The following STAU2 variants were observed in gnomAD, a reference collection of about 807,000 sequenced individuals.
The protein encoded by STAU2 is staufen double-stranded RNA binding protein 2.
In STAU2, 20 loss-of-function variants were observed where a neutral mutation model predicts 65.9. The observed-to-expected ratio is 0.30, with a 90% CI of 0.21 to 0.44. STAU2 has a LOEUF of 0.44. Ranked by LOEUF, STAU2 falls within the 20% of genes least tolerant of loss-of-function variation. The pLI is 1.00. For missense variants in STAU2, 558 were observed against 683.9 expected (o/e 0.82, Z 2.05); for synonymous variants, 232 against 233.9 (o/e 0.99, Z 0.07).
chr8:73,631,531 T>C (rs1348875994), intron 6 of STAU2, among the ~76,000 whole-genome samples: 1 of 152,050 alleles, frequency 6.6e-6, no homozygotes, highest in Non-Finnish European at 1.5e-5. Flanking sequence ...AAATAATAAA[T>C]AACATTACTA....
intron 4 of STAU2, among the ~76,000 whole-genome samples, chr8:73,693,543 C>T (rs902695887): frequency 6.6e-6 from 1 of 152,026 alleles, no homozygotes; most frequent in Non-Finnish European, 1.5e-5. Context: ...AAGCAGTTCC[C>T]TTAATATGAC....
intron 13 of STAU2, among the ~76,000 whole-genome samples, chr8:73,463,139 G>A (rs1005437655): frequency 1.3e-5 from 2 of 152,174 alleles, no homozygotes; most frequent in Non-Finnish European, 2.9e-5. Flanking sequence ...TAGTTATGAT[G>A]CTTACTAGAA....
intron 12 of STAU2, among the ~76,000 whole-genome samples, chr8:73,577,976 T>G (rs1461582686): frequency 1.3e-5 from 2 of 152,230 alleles, no homozygotes; most frequent in Non-Finnish European, 2.9e-5. Flanking sequence ...TCATTTGCCT[T>G]TTTATTTTCT....
At chr8:73,593,414 T>C (rs1810962385) in intron 11 of STAU2, among the ~76,000 whole-genome samples, 2 of 152,194 alleles carry the variant, frequency 1.3e-5, no homozygotes, top group African/African-American at 4.8e-5. Context: ...AATTCCTCAC[T>C]CCCTGCACTT....
At chr8:73,659,571 T>C (rs372308876) in intron 6 of STAU2, among the ~76,000 whole-genome samples, 130 of 152,250 alleles carry the variant, frequency 8.5e-4, no homozygotes, top group African/African-American at 3.0e-3. Context: ...TAAACTGTCA[T>C]TGTACCCAGA....
intron 13 of STAU2, among the ~76,000 whole-genome samples, chr8:73,471,255 C>G (rs1192743567): frequency 6.6e-6 from 1 of 151,594 alleles, no homozygotes; most frequent in Non-Finnish European, 1.5e-5. Flanking sequence ...TCACTGCAGC[C>G]TTGACCTCCC....
At chr8:73,470,512 T>C (rs1819929631) in intron 13 of STAU2, among the ~76,000 whole-genome samples, 1 of 152,134 alleles carries the variant, frequency 6.6e-6, no homozygotes, top group Non-Finnish European at 1.5e-5. Flanking sequence ...TTAAAAGTAG[T>C]AGAGGCCAGG....
intron 13 of STAU2, among the ~76,000 whole-genome samples, chr8:73,508,446 G>A (rs1283630246): frequency 6.6e-6 from 1 of 152,088 alleles, no homozygotes; most frequent in Non-Finnish European, 1.5e-5. Context: ...CATCTTATAT[G>A]GGCATGATTT....
At chr8:73,560,015 G>A (rs1310334059) in intron 12 of STAU2, among the ~76,000 whole-genome samples, 1 of 150,442 alleles carries the variant, frequency 6.6e-6, no homozygotes, top group Admixed American at 6.6e-5. Flanking sequence ...CTTAAGATCA[G>A]TTTCAGAATC....
At chr8:73,643,725 G>A (rs1336283659) in intron 6 of STAU2, among the ~76,000 whole-genome samples, 1 of 152,180 alleles carries the variant, frequency 6.6e-6, no homozygotes, top group African/African-American at 2.4e-5. Context: ...TTTGTTTTCT[G>A]TGCTACTGTC....
At chr8:73,731,767 A>C (rs963167114) in intron 3 of STAU2, among the ~76,000 whole-genome samples, 1 of 151,864 alleles carries the variant, frequency 6.6e-6, no homozygotes, top group Non-Finnish European at 1.5e-5. Flanking sequence ...ATGAAACCCC[A>C]TCTCTACTAA....
At chr8:73,571,810 T>C (rs1809114059) in intron 12 of STAU2, among the ~76,000 whole-genome samples, 1 of 152,054 alleles carries the variant, frequency 6.6e-6, no homozygotes, top group Non-Finnish European at 1.5e-5. Context: ...GATCTAAAAT[T>C]GACACCCTAA....
chr8:73,546,235 G>A (rs1208247890), intron 13 of STAU2, among the ~76,000 whole-genome samples: 1 of 145,316 alleles, frequency 6.9e-6, no homozygotes, highest in Non-Finnish European at 1.5e-5. Context: ...CCAAAGTACT[G>A]GGATTACAGG....
At chr8:73,726,519 C>T (rs769547692) in intron 3 of STAU2, among the ~76,000 whole-genome samples, 2 of 152,204 alleles carry the variant, frequency 1.3e-5, no homozygotes, top group South Asian at 4.1e-4. Flanking sequence ...TTAGGCCACT[C>T]GATATTTCCC....
intron 8 of STAU2, among the ~76,000 whole-genome samples, 156 bp from the exon 9 acceptor site, chr8:73,614,112 A>C (rs1470525526): frequency 6.6e-6 from 1 of 152,198 alleles, no homozygotes; most frequent in Non-Finnish European, 1.5e-5. Flanking sequence ...TACTGGGACT[A>C]TTTATGACAC....
chr8:73,619,674 G>A (rs893905662), intron 6 of STAU2, among the ~76,000 whole-genome samples: 10 of 152,194 alleles, frequency 6.6e-5, no homozygotes, highest in Non-Finnish European at 2.9e-5. Flanking sequence ...CCTGGAAAGG[G>A]TAAGTGTAAA....
chr8:73,645,925 C>T (rs185802091), intron 6 of STAU2, among the ~76,000 whole-genome samples: 1 of 152,192 alleles, frequency 6.6e-6, no homozygotes, highest in African/African-American at 2.4e-5. Context: ...GAAACCATCC[C>T]CATGATCCAA....
intron 4 of STAU2, 117 bp from the exon 5 acceptor site, chr8:73,688,930 T>G: frequency 8.7e-7 from 1 of 1,153,472 alleles, no homozygotes; most frequent in Non-Finnish European, 1.2e-6. Flanking sequence ...GAGGTGACCT[T>G]ACCTACAGAT....
chr8:73,426,671 T>C (rs1327661835), intron 13 of STAU2, among the ~76,000 whole-genome samples: 2 of 152,328 alleles, frequency 1.3e-5, no homozygotes, highest in South Asian at 2.1e-4. Flanking sequence ...TAGTATTCCA[T>C]TGTATACATA....
Sources: gnomAD v4.1 joint callset for allele counts (sites outside exome capture counted in the v4.1 genomes callset) on GRCh38, gnomAD v4.1.1 for gene constraint, MANE v1.5 for transcripts, NCBI Gene and HGNC (gene_info 2026-07-23, HGNC 2026-07-21) for gene names.